The following GULP1 variants were observed in gnomAD, a reference collection of about 807,000 sequenced individuals.
GULP1 encodes GULP PTB domain containing engulfment adaptor 1.
A neutral mutation model predicts 40.9 loss-of-function variants in GULP1; 19 were observed. The ratio of observed to expected loss-of-function variants is 0.46; its 90% CI spans 0.32 to 0.68. The LOEUF (loss-of-function observed/expected upper bound fraction) is 0.68, where lower values mean the gene tolerates loss of function less well. Among genes scored for constraint, GULP1 ranks in the 30% least tolerant of loss-of-function variants. The pLI is 0.03. For missense variants in GULP1, 312 were observed against 362.2 expected (o/e 0.86, Z 1.12); for synonymous variants, 119 against 117.6 (o/e 1.01, Z -0.08).
chr2:188,358,282 A>G (rs2045628291), intron 1 of GULP1, among the ~76,000 whole-genome samples: 1 of 152,208 alleles, frequency 6.6e-6, no homozygotes, highest in African/African-American at 2.4e-5. Context: ...CGGAAGCTCA[A>G]AAAGTTGTTT....
chr2:188,426,397 G>C (rs1268348542), intron 2 of GULP1, among the ~76,000 whole-genome samples: 8 of 152,164 alleles, frequency 5.3e-5, no homozygotes, highest in South Asian at 2.1e-4. Flanking sequence ...CTTTCTTATC[G>C]GGACCTTAAA....
chr2:188,523,234 G>A (rs1449295187), intron 5 of GULP1, among the ~76,000 whole-genome samples: 1 of 152,174 alleles, frequency 6.6e-6, no homozygotes, highest in African/African-American at 2.4e-5. Flanking sequence ...TGGAGTCAGA[G>A]TTGATTCCAG....
At chr2:188,555,337 C>T (rs1694481227) in intron 7 of GULP1, among the ~76,000 whole-genome samples, 1 of 151,998 alleles carries the variant, frequency 6.6e-6, no homozygotes, top group South Asian at 2.1e-4. Context: ...TTGTGTTTTC[C>T]TGATAGTAAA....
At chr2:188,568,642 T>C (rs926927602) in intron 7 of GULP1, among the ~76,000 whole-genome samples, 5 of 152,164 alleles carry the variant, frequency 3.3e-5, no homozygotes, top group African/African-American at 7.2e-5. Flanking sequence ...GCCTCATCTT[T>C]CATACATAAG....
At chr2:188,381,098 A>G (rs941194877) in intron 1 of GULP1, among the ~76,000 whole-genome samples, 1 of 152,118 alleles carries the variant, frequency 6.6e-6, no homozygotes, top group Non-Finnish European at 1.5e-5. Flanking sequence ...ATTTTAAAAT[A>G]AAAATATGTT....
chr2:188,549,669 A>G (rs1692941058), intron 7 of GULP1, among the ~76,000 whole-genome samples: 1 of 151,820 alleles, frequency 6.6e-6, no homozygotes, highest in South Asian at 2.1e-4. Context: ...ATGTTCACAC[A>G]AAAACCTATA....
intron 4 of GULP1, among the ~76,000 whole-genome samples, chr2:188,498,057 A>G (rs1180077803): frequency 1.3e-5 from 2 of 151,910 alleles, no homozygotes; most frequent in African/African-American, 4.8e-5. Flanking sequence ...CTTGACTTAT[A>G]CTAAGGAGCA....
At chr2:188,587,604 C>G (rs1358975861) in intron 10 of GULP1, among the ~76,000 whole-genome samples, 3 of 152,084 alleles carry the variant, frequency 2.0e-5, no homozygotes, top group Non-Finnish European at 4.4e-5. Context: ...GAAATCTTCA[C>G]TAAAACACAG....
intron 1 of GULP1, among the ~76,000 whole-genome samples, chr2:188,322,307 T>G (rs2106621090): frequency 6.6e-6 from 1 of 152,248 alleles, no homozygotes; most frequent in African/African-American, 2.4e-5. Context: ...AGAGCTTTTT[T>G]TTTTAGGGGT....
chr2:188,542,856 A>C (rs2153336733), intron 7 of GULP1, among the ~76,000 whole-genome samples: 1 of 152,304 alleles, frequency 6.6e-6, no homozygotes, highest in Admixed American at 6.5e-5. Context: ...AATTTATAAT[A>C]ACCTTTTACC....
intron 1 of GULP1, among the ~76,000 whole-genome samples, chr2:188,349,763 A>G (rs1353370467): frequency 6.6e-6 from 1 of 152,140 alleles, no homozygotes; most frequent in Admixed American, 6.5e-5. Flanking sequence ...GTTTGATTTC[A>G]TATGTGGGAA....
chr2:188,447,536 A>C (rs1212749967), intron 2 of GULP1, among the ~76,000 whole-genome samples: 1 of 152,144 alleles, frequency 6.6e-6, no homozygotes, highest in Non-Finnish European at 1.5e-5. Flanking sequence ...AAACTCTAAT[A>C]TCCATTAGAG....
chr2:188,579,702 A>G (rs1700878371), intron 9 of GULP1, among the ~76,000 whole-genome samples: 1 of 152,198 alleles, frequency 6.6e-6, no homozygotes, highest in Non-Finnish European at 1.5e-5. Context: ...TGAAATTGAA[A>G]AAACCTCTTA....
At chr2:188,307,628 G>A (rs977453696) in intron 1 of GULP1, among the ~76,000 whole-genome samples, 4 of 152,008 alleles carry the variant, frequency 2.6e-5, no homozygotes, top group Admixed American at 2.6e-4. Flanking sequence ...TAAGAATACT[G>A]GAGTTTAGTA....
intron 1 of GULP1, among the ~76,000 whole-genome samples, chr2:188,308,867 A>G (rs193192941): frequency 4.4e-4 from 67 of 152,288 alleles, no homozygotes; most frequent in African/African-American, 1.5e-3. Flanking sequence ...ACTGAGAGGT[A>G]TAAAAGAGAG....
chr2:188,502,870 G>C (rs945356149), intron 4 of GULP1, among the ~76,000 whole-genome samples: 3 of 151,890 alleles, frequency 2.0e-5, no homozygotes, highest in African/African-American at 4.8e-5. Context: ...GGATTGGCAG[G>C]CTTAATGTCT....
At chr2:188,313,593 A>C (rs2038553141) in intron 1 of GULP1, among the ~76,000 whole-genome samples, 2 of 152,104 alleles carry the variant, frequency 1.3e-5, no homozygotes, top group South Asian at 4.2e-4. Flanking sequence ...TCTTGGCTAT[A>C]TGGGGTGTTC....
At chr2:188,521,068 T>A (rs765383916) in intron 4 of GULP1, among the ~76,000 whole-genome samples, 22 of 152,094 alleles carry the variant, frequency 1.4e-4, no homozygotes, top group Non-Finnish European at 3.1e-4. Flanking sequence ...TTCTCCTATG[T>A]CTATACATAG....
chr2:188,396,077 C>A (rs185175715), intron 2 of GULP1, among the ~76,000 whole-genome samples: 1 of 152,172 alleles, frequency 6.6e-6, no homozygotes, highest in Non-Finnish European at 1.5e-5. Flanking sequence ...CCTGCAGATG[C>A]TATAATGGAC....
Sources: allele counts gnomAD v4.1 joint callset (sites outside exome capture counted in the v4.1 genomes callset), GRCh38; gene constraint gnomAD v4.1.1; transcripts MANE v1.5; gene names NCBI Gene and HGNC (gene_info 2026-07-23, HGNC 2026-07-21).